RBFOX1: variants seen among roughly 807,000 people sequenced by gnomAD.
The protein encoded by RBFOX1 is RNA binding protein fox-1 homolog 1.
RBFOX1 carries 8 observed loss-of-function variants against 57.7 expected under a neutral mutation model. That is an observed-to-expected ratio of 0.14 (90% CI 0.08 to 0.25). RBFOX1 has a LOEUF of 0.25. Ranked by LOEUF, RBFOX1 falls within the 10% of genes least tolerant of loss-of-function variation. The probability of loss-of-function intolerance (pLI) is 1.00; values close to 1 mark genes in which losing one functional copy is unlikely to be tolerated. For synonymous variants in RBFOX1, 326 were observed against 222.4 expected, an observed-to-expected ratio of 1.47 and a Z score of -4.15; for missense variants, 611 against 548.5, an observed-to-expected ratio of 1.11 and a Z score of -1.14.
chr16:7,352,553 C>A (rs1225286629), intron 4 of RBFOX1, among the ~76,000 whole-genome samples: 2 of 152,016 alleles, frequency 1.3e-5, no homozygotes, highest in African/African-American at 4.8e-5. Context: ...GTTCTAGGGC[C>A]CTTTGCAGCC....
At chr16:5,859,192 G>A (rs1193545313) in intron 3 of RBFOX1, among the ~76,000 whole-genome samples, 2 of 152,140 alleles carry the variant, frequency 1.3e-5, no homozygotes, top group South Asian at 2.1e-4. Context: ...GCGACACAGC[G>A]AGACTCTGTC....
intron 2 of RBFOX1, among the ~76,000 whole-genome samples, chr16:6,536,285 C>G (rs539796678): frequency 6.6e-6 from 1 of 152,262 alleles, no homozygotes; most frequent in Admixed American, 6.5e-5. Flanking sequence ...ACTTTCCTGT[C>G]TCCAGCAAAT....
Position 6,502,969 on chromosome 16 carries a change from A to G in RBFOX1, c.-63-151634A>G, listed in dbSNP as rs2095981189. The stretch of plus-strand genomic sequence containing the variant: ...CTTAATCTGATATTATGGAAAGAAG[A>G]TAATATCGACTCAGCTGAGATATTA... On this transcript the variant is annotated intron_variant, in intron 2 of 15. Coordinates refer to ENST00000550418, the MANE Select transcript of RBFOX1 (RefSeq NM_018723.4). Among the ~76,000 whole-genome samples the G allele has an allele frequency of 2.6e-5, 4 of 152,310 alleles. No individual in the cohort carries two copies. The South Asian group carries it at 8.3e-4, about 32-fold the overall frequency.
chr16:7,133,035 A>G (rs532151633), intron 4 of RBFOX1, among the ~76,000 whole-genome samples: 2 of 152,136 alleles, frequency 1.3e-5, no homozygotes, highest in Admixed American at 1.3e-4. Flanking sequence ...AAAATAAATC[A>G]TGTGCCTTGG....
chr16:7,702,724 C>G (rs954377691), intron 14 of RBFOX1, among the ~76,000 whole-genome samples: 2 of 152,160 alleles, frequency 1.3e-5, no homozygotes, highest in African/African-American at 4.8e-5. Context: ...TGTCCAAACA[C>G]AGAACACTTG....
chr16:6,622,416 C>T (rs561363549), intron 2 of RBFOX1, among the ~76,000 whole-genome samples: 3 of 152,232 alleles, frequency 2.0e-5, no homozygotes, highest in Admixed American at 2.0e-4. Context: ...CTACAGTATT[C>T]AGTACAGTAA....
chr16:7,266,009 G>A (rs553187357), intron 4 of RBFOX1, among the ~76,000 whole-genome samples: 1 of 114,978 alleles, frequency 8.7e-6, no homozygotes, highest in Non-Finnish European at 1.7e-5. Flanking sequence ...GAGTCTTGCT[G>A]TGTTGCCCAG....
chr16:5,963,634 G>A (rs1379609285), intron 4 of RBFOX1, among the ~76,000 whole-genome samples: 1 of 152,138 alleles, frequency 6.6e-6, no homozygotes, highest in East Asian at 1.9e-4. Context: ...CTTCAACAAG[G>A]GTGACAAGAA....
intron 4 of RBFOX1, among the ~76,000 whole-genome samples, chr16:7,364,981 G>C (rs527531170): frequency 4.6e-5 from 7 of 152,248 alleles, no homozygotes; most frequent in African/African-American, 1.7e-4. Context: ...ACAATGATCA[G>C]ATGATTCTTT....
At chr16:7,372,956 G>C (rs1389202122) in intron 4 of RBFOX1, among the ~76,000 whole-genome samples, 4 of 150,668 alleles carry the variant, frequency 2.7e-5, no homozygotes, top group Non-Finnish European at 5.9e-5. Context: ...TTTTGAGATG[G>C]AGTCTTGCTC....
chr16:7,194,479 G>T (rs1353560715), intron 4 of RBFOX1, among the ~76,000 whole-genome samples: 1 of 152,152 alleles, frequency 6.6e-6, no homozygotes, highest in Non-Finnish European at 1.5e-5. Flanking sequence ...TAGAGTTTGG[G>T]AAAATCTAGC....
chr16:7,666,495 A>G (rs1203765622), intron 13 of RBFOX1, among the ~76,000 whole-genome samples: 1 of 152,094 alleles, frequency 6.6e-6, no homozygotes, highest in African/African-American at 2.4e-5. Context: ...ACAATAATTT[A>G]TTGAATCATT....
At chr16:6,285,423 G>T (rs1270144741) in intron 1 of RBFOX1, among the ~76,000 whole-genome samples, 1 of 152,132 alleles carries the variant, frequency 6.6e-6, no homozygotes, top group Non-Finnish European at 1.5e-5. Flanking sequence ...GCTGACAGGA[G>T]TATTTCTAAG....
rs551128984 is a variant in RBFOX1 at position 5,652,482 on chromosome 16, T to C, written c.318+53521T>C. Reference sequence around the variant, plus strand: ...GTTACAGGAGCCTAAACATAAATTATTATCTTTAATCAGAGTCTTTGTGCA... The same window carrying C: ...GTTACAGGAGCCTAAACATAAATTACTATCTTTAATCAGAGTCTTTGTGCA... On this transcript the variant is annotated intron_variant, in intron 3 of 19. Transcript: ENST00000641259. 1.5e-3 allele frequency among the ~76,000 whole-genome samples: 234 copies of C among 152,304 alleles called. 1 individual carries two copies. The highest frequency in any genetic ancestry group is 3.4e-3 in the Middle Eastern group (1 of 294).
chr16:5,556,222 T>C (rs921966952), intron 2 of RBFOX1, among the ~76,000 whole-genome samples: 1 of 152,206 alleles, frequency 6.6e-6, no homozygotes, highest in African/African-American at 2.4e-5. Flanking sequence ...TTGGTCATAT[T>C]AATGAGGCTT....
In RBFOX1 at chr16:6,065,054, G is replaced by T. The variant is rs887963236; in HGVS notation, c.-127+45062G>T. Among the ~76,000 whole-genome samples the T allele has an allele frequency of 5.3e-5, 8 of 150,736 alleles. No homozygotes were observed. In the South Asian group the frequency reaches 8.4e-4, roughly 16 times the overall value. On this transcript the variant is annotated intron_variant, in intron 1 of 15. Coordinates refer to ENST00000550418, the MANE Select transcript of RBFOX1 (RefSeq NM_018723.4). ...TTTTTTTTCTTTTTCTTGAGACAGGGTCTTGTTCTGTCACCCAGGCTAGAG... is the reference window on the plus strand; with the variant it reads ...TTTTTTTTCTTTTTCTTGAGACAGGTTCTTGTTCTGTCACCCAGGCTAGAG...
chr16:5,282,420 A>G (rs530439335), intron 1 of RBFOX1, among the ~76,000 whole-genome samples: 1 of 152,234 alleles, frequency 6.6e-6, no homozygotes. Context: ...GGAAACAGGC[A>G]GAGGTTGGAA....
chr16:5,919,501 C>G (rs978145518), intron 4 of RBFOX1, among the ~76,000 whole-genome samples: 2 of 151,764 alleles, frequency 1.3e-5, no homozygotes, highest in African/African-American at 4.9e-5. Context: ...TGCTGCCAGG[C>G]CCGGCTAATT....
At chr16:6,723,453 C>T (rs532610893) in intron 3 of RBFOX1, among the ~76,000 whole-genome samples, 11 of 152,164 alleles carry the variant, frequency 7.2e-5, no homozygotes, top group South Asian at 4.2e-4. Flanking sequence ...CACAAAAGGG[C>T]ATAATGTTAT....
Sources: gnomAD v4.1 joint callset for allele counts (sites outside exome capture counted in the v4.1 genomes callset) on GRCh38, gnomAD v4.1.1 for gene constraint, MANE v1.5 for transcripts, NCBI Gene and HGNC (gene_info 2026-07-23, HGNC 2026-07-21) for gene names.